PI4KA: variants seen among roughly 807,000 people sequenced by gnomAD.
PI4KA encodes phosphatidylinositol 4-kinase alpha.
A neutral mutation model predicts 271.4 loss-of-function variants in PI4KA; 122 were observed. The ratio of observed to expected loss-of-function variants is 0.45; its 90% confidence interval spans 0.39 to 0.52. PI4KA has a LOEUF of 0.52. Ranked by LOEUF, PI4KA falls within the 20% of genes least tolerant of loss-of-function variation. The pLI, the probability that PI4KA is intolerant of heterozygous loss-of-function variation, is 0.00. For synonymous variants in PI4KA, 1,041 were observed against 1,078.8 expected, an observed-to-expected ratio of 0.96 and a Z score of 0.69; for missense variants, 1,969 against 2,769.1, an observed-to-expected ratio of 0.71 and a Z score of 6.48.
chr22:20,792,720 AGGGAC>A lies in PI4KA; in HGVS notation c.2328+468_2328+472del, dbSNP rs2066443438. 2.0e-5 allele frequency among the ~76,000 whole-genome samples: 3 copies of A among 152,312 alleles called. No homozygotes were observed. In the East Asian group the frequency reaches 5.8e-4, roughly 29 times the overall value. The stretch of plus-strand genomic sequence containing the variant: ...AACACGATGGTGCCACACAGGAGGC[AGGGAC>A]TGTGCCCGCCATGCCAACAACGTCC... On this transcript the variant is annotated intron_variant, in intron 19 of 54. Transcript: ENST00000255882.
At chr22:20,779,390 T>G in intron 19 of PI4KA, 4 of 1,614,186 alleles carry the variant, frequency 2.5e-6, no homozygotes, top group Non-Finnish European at 3.4e-6. Flanking sequence ...GCCCGCTGGA[T>G]CAGCTAGAGA....
At chr22:20,789,028 C>T (rs1934457811) in intron 19 of PI4KA, among the ~76,000 whole-genome samples, 1 of 152,176 alleles carries the variant, frequency 6.6e-6, no homozygotes. Flanking sequence ...CAGACACCCC[C>T]GTTTCAATGC....
At chr22:20,780,031 T>C in intron 19 of PI4KA, 1 of 1,614,076 alleles carries the variant, frequency 6.2e-7, no homozygotes, top group South Asian at 1.1e-5. Flanking sequence ...AAAACTAAAG[T>C]AAGAGAGTAT....
chr22:20,712,491 G>A lies in PI4KA; in HGVS notation c.5797C>T (p.Gln1933Ter), dbSNP rs747613540. ...CCTGTGGCCACCCTGGCTACCTGCTGGAAGGCCAGAGTGGACTCATCCCCG... is the reference window on the plus strand; with the variant it reads ...CCTGTGGCCACCCTGGCTACCTGCTAGAAGGCCAGAGTGGACTCATCCCCG... ...QYGDESTLAF[Q>*]QARYNFIRSM... Residue 1933 changes from glutamine (Q) to a stop codon, truncating the protein, a stop_gained, in exon 50 of 55, where the codon CAG (glutamine) becomes TAG (stop). Coordinates refer to ENST00000255882, the MANE Select transcript of PI4KA (RefSeq NM_058004.4). LOFTEE classifies it high-confidence loss of function. The A allele has an allele frequency of 6.2e-7, 1 of 1,607,880 alleles. No individual in the cohort carries two copies. The highest frequency in any genetic ancestry group is 1.1e-5 in the South Asian group (1 of 90,050).
At chr22:20,776,408 T>A (rs2147462315) in intron 19 of PI4KA, among the ~76,000 whole-genome samples, 1 of 152,334 alleles carries the variant, frequency 6.6e-6, no homozygotes, top group Middle Eastern at 3.4e-3. Flanking sequence ...AGGCAGGTGC[T>A]GAGATGGGGA....
chr22:20,762,939 C>T (rs6004161), intron 22 of PI4KA, among the ~76,000 whole-genome samples: 74,127 of 148,918 alleles, frequency 0.5, 18,953 homozygotes, highest in African/African-American at 0.6. Flanking sequence ...TAAGCAACCC[C>T]CTTGCCTCAG....
chr22:20,789,202 T>C (rs1409779597), intron 19 of PI4KA, among the ~76,000 whole-genome samples: 1 of 152,220 alleles, frequency 6.6e-6, no homozygotes, highest in Non-Finnish European at 1.5e-5. Context: ...GAAACTCTAG[T>C]AGCAGGTTCT....
chr22:20,787,186 G>A (rs1934315687), intron 19 of PI4KA: 14 of 923,318 alleles, frequency 1.5e-5, no homozygotes, highest in Non-Finnish European at 2.2e-5. Flanking sequence ...ATCTGAATTC[G>A]AGGCCCATAT....
chr22:20,820,535 G>C lies in PI4KA; in HGVS notation c.529+4C>G, dbSNP rs780679783. On this transcript the variant is annotated splice_donor_region_variant and intron_variant, in intron 5 of 54. Transcript: ENST00000255882. ...TTTAAGAAAAACCTTAAGGATACTC[G>C]TACCTTTGTCTTGAATCTCCAAGGC... 1.3e-5 allele frequency: 21 copies of C among 1,589,194 alleles called. No individual in the cohort carries two copies. The highest frequency in any genetic ancestry group is 1.8e-5 in the Non-Finnish European group (21 of 1,161,414).
intron 19 of PI4KA, among the ~76,000 whole-genome samples, chr22:20,766,968 T>C (rs1455878453): frequency 6.6e-6 from 1 of 152,098 alleles, no homozygotes; most frequent in African/African-American, 2.4e-5. Context: ...AATTTGGTAA[T>C]ATGCATCAGA....
At chr22:20,731,646 T>C (rs540446920) in intron 36 of PI4KA, among the ~76,000 whole-genome samples, 15 of 152,094 alleles carry the variant, frequency 9.9e-5, no homozygotes, top group East Asian at 1.9e-4. Context: ...AATAAAAAAA[T>C]TGGCCGGGCA....
chr22:20,723,081 T>G (rs1926934151), intron 42 of PI4KA, among the ~76,000 whole-genome samples: 1 of 151,046 alleles, frequency 6.6e-6, no homozygotes, highest in Non-Finnish European at 1.5e-5. Context: ...CAGGCTGGAG[T>G]GCAATCTCAG....
chr22:20,837,920 A>T (rs178057), intron 2 of PI4KA, among the ~76,000 whole-genome samples: 57,685 of 151,738 alleles, frequency 0.38, 11,454 homozygotes, highest in African/African-American at 0.48. Flanking sequence ...GGAGTTTGAG[A>T]CCAGCCTGCC....
At chr22:20,797,126 G>A (rs1265614595) in intron 17 of PI4KA, among the ~76,000 whole-genome samples, 6 of 152,214 alleles carry the variant, frequency 3.9e-5, no homozygotes, top group Non-Finnish European at 2.9e-5. Context: ...AAATCCCAGA[G>A]CAACGGCAGC....
chr22:20,805,998 TGCAC>T (rs975751972), intron 10 of PI4KA, among the ~76,000 whole-genome samples: 6 of 152,000 alleles, frequency 3.9e-5, no homozygotes, highest in African/African-American at 1.2e-4. Flanking sequence ...ACCACCATGA[TGCAC>T]GCACAAGTCA....
At chr22:20,722,897 A>C (rs1926908493) in intron 42 of PI4KA, among the ~76,000 whole-genome samples, 1 of 152,224 alleles carries the variant, frequency 6.6e-6, no homozygotes, top group Non-Finnish European at 1.5e-5. Flanking sequence ...TAGTGTTTTT[A>C]AATATAAGTT....
At position 20,813,479 on chromosome 22, in the gene PI4KA, A is replaced by AG; in HGVS notation, c.883dup (p.Leu295ProfsTer4). 1 of 1,614,078 alleles carries AG rather than the reference A, an allele frequency of 6.2e-7. No individual in the cohort carries two copies. Among genetic ancestry groups the AG allele is most frequent in the Non-Finnish European group, 8.5e-7 (1 of 1,179,964 alleles). On this transcript the variant is annotated frameshift_variant, in exon 8 of 55. Transcript: ENST00000255882. LOFTEE classifies it high-confidence loss of function. ...GGTTGAAAAGTAGTACTCAGGCTCT[A>AG]GGGCAGTCCCATCGGGCAAGCAGGA...
chr22:20,786,695 G>A (rs777851357), intron 19 of PI4KA, among the ~76,000 whole-genome samples: 6 of 152,180 alleles, frequency 3.9e-5, no homozygotes, highest in Non-Finnish European at 7.3e-5. Flanking sequence ...CGGCCTCTAA[G>A]TGCAACGGCT....
chr22:20,790,526 TG>T (rs1934560104), intron 19 of PI4KA, among the ~76,000 whole-genome samples: 1 of 151,832 alleles, frequency 6.6e-6, no homozygotes, highest in Non-Finnish European at 1.5e-5. Context: ...CCGTGCATGG[TG>T]GTGCACACCT....
Sources: allele counts gnomAD v4.1 joint callset (sites outside exome capture counted in the v4.1 genomes callset), GRCh38; gene constraint gnomAD v4.1.1; transcripts MANE v1.5; gene names NCBI Gene and HGNC (gene_info 2026-07-23, HGNC 2026-07-21).